The following ROBO2 variants were observed in gnomAD, a reference collection of about 807,000 sequenced individuals.
The protein encoded by ROBO2 is roundabout guidance receptor 2, also known as roundabout homolog 2.
In ROBO2, 53 loss-of-function variants were observed where a neutral mutation model predicts 160.8. That is an observed-to-expected ratio of 0.33 (90% CI 0.26 to 0.41). The LOEUF is 0.41. Among genes scored for constraint, ROBO2 ranks in the 10% least tolerant of loss-of-function variants. ROBO2 has a pLI of 1.00. For missense variants in ROBO2, 1,577 were observed against 1,722.4 expected (o/e 0.92, Z 1.49); for synonymous variants, 664 against 611.7 (o/e 1.09, Z -1.26).
chr3:77,020,269 A>T (rs557017534), intron 2 of ROBO2, among the ~76,000 whole-genome samples: 79 of 152,340 alleles, frequency 5.2e-4, no homozygotes, highest in Admixed American at 2.2e-3. Context: ...GTAAAAACTC[A>T]GCACTGAATA....
chr3:76,670,297 A>C (rs1218468146), intron 2 of ROBO2, among the ~76,000 whole-genome samples: 2 of 150,422 alleles, frequency 1.3e-5, no homozygotes, highest in Middle Eastern at 3.4e-3. Flanking sequence ...TATTTAAGAA[A>C]GAATGACATA....
chr3:77,423,561 C>T (rs2077906830), intron 2 of ROBO2, among the ~76,000 whole-genome samples: 1 of 151,974 alleles, frequency 6.6e-6, no homozygotes, highest in Non-Finnish European at 1.5e-5. Flanking sequence ...TGCCTTTGTT[C>T]TTCCTGGTTT....
chr3:77,111,792 C>T (rs1485591308), intron 2 of ROBO2, among the ~76,000 whole-genome samples: 1 of 152,162 alleles, frequency 6.6e-6, no homozygotes, highest in East Asian at 1.9e-4. Context: ...GAAGTCCCTA[C>T]TTTAAACGAG....
At chr3:76,958,203 T>G (rs1317659415) in intron 2 of ROBO2, among the ~76,000 whole-genome samples, 1 of 152,216 alleles carries the variant, frequency 6.6e-6, no homozygotes, top group Non-Finnish European at 1.5e-5. Context: ...GCCACTTCAC[T>G]TATTTGCCTT....
At chr3:77,623,600 A>G (rs2094944730) in intron 23 of ROBO2, among the ~76,000 whole-genome samples, 1 of 152,134 alleles carries the variant, frequency 6.6e-6, no homozygotes, top group African/African-American at 2.4e-5. Flanking sequence ...CAGCCTAATT[A>G]AGATTTAAGA....
At chr3:76,374,685 A>G (rs1211653784) in intron 2 of ROBO2, among the ~76,000 whole-genome samples, 1 of 152,012 alleles carries the variant, frequency 6.6e-6, no homozygotes, top group Non-Finnish European at 1.5e-5. Context: ...TACCTGGGGA[A>G]ACTAGACAGA....
At chr3:76,870,251 C>T (rs992887080) in intron 2 of ROBO2, among the ~76,000 whole-genome samples, 1 of 152,184 alleles carries the variant, frequency 6.6e-6, no homozygotes, top group Non-Finnish European at 1.5e-5. Context: ...TCTTTGTCTA[C>T]ATCTCCGAGA....
At chr3:75,962,382 G>A (rs1465998202) in intron 2 of ROBO2, among the ~76,000 whole-genome samples, 1 of 151,818 alleles carries the variant, frequency 6.6e-6, no homozygotes, top group Non-Finnish European at 1.5e-5. Flanking sequence ...ATTAGACATA[G>A]TCAATGGAAA....
intron 2 of ROBO2, among the ~76,000 whole-genome samples, chr3:76,804,628 A>G (rs1005649614): frequency 3.9e-5 from 6 of 152,222 alleles, no homozygotes; most frequent in African/African-American, 7.2e-5. Flanking sequence ...ATTTCTTGCC[A>G]ATTATTAGCT....
chr3:77,485,954 T>C (rs1349649437), intron 4 of ROBO2, among the ~76,000 whole-genome samples: 1 of 151,948 alleles, frequency 6.6e-6, no homozygotes, highest in Non-Finnish European at 1.5e-5. Context: ...TTTGACAGGC[T>C]CCAGTGTGTG....
chr3:77,538,942 G>A (rs1460936493), intron 6 of ROBO2: 1 of 450,810 alleles, frequency 2.2e-6, no homozygotes, highest in Non-Finnish European at 4.4e-6. Context: ...AGAGACGGAG[G>A]CTTGCTCTGT....
chr3:76,684,179 C>T (rs1214666000), intron 2 of ROBO2, among the ~76,000 whole-genome samples: 1 of 151,984 alleles, frequency 6.6e-6, no homozygotes, highest in Admixed American at 6.6e-5. Context: ...CCCATCATAC[C>T]ATGGAATTTC....
At chr3:77,291,580 A>G (rs2061266640) in intron 2 of ROBO2, among the ~76,000 whole-genome samples, 1 of 151,358 alleles carries the variant, frequency 6.6e-6, no homozygotes, top group Admixed American at 6.6e-5. Context: ...TTAAACGGGA[A>G]GGTGAGGCTA....
chr3:77,313,473 A>G (rs2063716329), intron 2 of ROBO2, among the ~76,000 whole-genome samples: 1 of 152,094 alleles, frequency 6.6e-6, no homozygotes, highest in Non-Finnish European at 1.5e-5. Context: ...CTTATTCCTC[A>G]TGTCTAGCTG....
chr3:77,617,043 G>A (rs2094795336), intron 21 of ROBO2, among the ~76,000 whole-genome samples: 1 of 152,180 alleles, frequency 6.6e-6, no homozygotes, highest in Non-Finnish European at 1.5e-5. Context: ...ATGACATATG[G>A]AATGAAAGGT....
chr3:77,630,981 T>C (rs1460565458), intron 23 of ROBO2: 2 of 150,210 alleles, frequency 1.3e-5, no homozygotes, highest in African/African-American at 4.9e-5. Context: ...AGTATAGCAT[T>C]ATATTGCAAA....
intron 2 of ROBO2, among the ~76,000 whole-genome samples, chr3:76,030,652 G>T (rs1425316191): frequency 6.6e-6 from 1 of 152,144 alleles, no homozygotes; most frequent in Non-Finnish European, 1.5e-5. Context: ...GTATTTGTCA[G>T]GTTTGTCAAA....
At chr3:77,057,991 A>T (rs572581720) in intron 1 of ROBO2, among the ~76,000 whole-genome samples, 9 of 151,584 alleles carry the variant, frequency 5.9e-5, no homozygotes, top group East Asian at 1.9e-4. Context: ...AAGTAAAATT[A>T]AAAAAAAAGA....
chr3:77,545,964 G>T (rs927801927), intron 6 of ROBO2, among the ~76,000 whole-genome samples: 1 of 152,088 alleles, frequency 6.6e-6, no homozygotes, highest in Non-Finnish European at 1.5e-5. Flanking sequence ...AGAGGAAGGA[G>T]ATGGTTGAGT....
Sources: allele counts gnomAD v4.1 joint callset (sites outside exome capture counted in the v4.1 genomes callset), GRCh38; gene constraint gnomAD v4.1.1; transcripts MANE v1.5; gene names NCBI Gene and HGNC (gene_info 2026-07-23, HGNC 2026-07-21).